WNT7B: variants seen among roughly 807,000 people sequenced by gnomAD.
WNT7B encodes the protein protein Wnt-7b.
Under a neutral mutation model 38.2 loss-of-function variants are expected in WNT7B, and 19 were observed. The ratio of observed to expected loss-of-function variants is 0.50; its 90% CI spans 0.35 to 0.73. The LOEUF is 0.73. WNT7B is among the 30% of genes least tolerant of loss of function. The pLI is 0.01. For missense variants in WNT7B, 423 were observed against 507.9 expected (o/e 0.83, Z 1.61); for synonymous variants, 243 against 209.3 (o/e 1.16, Z -1.39).
chr22:45,976,780 A>G lies in WNT7B; in HGVS notation c.-26T>C, dbSNP rs1472821537. The G allele has an allele frequency of 6.3e-7, 1 of 1,591,938 alleles. No homozygotes were observed. Among genetic ancestry groups the G allele is most frequent in the Admixed American group, 1.7e-5 (1 of 58,968 alleles). On this transcript the variant is annotated 5_prime_UTR_variant, in exon 1 of 4. Transcript: ENST00000339464. This position sits in a 1 kb window ranked among gnomAD's most constrained non-coding sequence, Gnocchi z 8.5. ...GATCCAGGGAGGGGGGCTGCGCCAT[A>G]GACAGCGGCGGCCGGAGGGGACGCG...
intron 1 of WNT7B, chr22:45,972,120 A>ACCCCCCCCCCCCC: frequency 6.4e-6 from 1 of 155,368 alleles, no homozygotes; most frequent in South Asian, 5.2e-5. Context: ...GGGGGAGCCC[A>ACCCCCCCCCCCCC]CCCGCCCACC....
At chr22:45,964,406 G>A (rs1932266210) in intron 1 of WNT7B, among the ~76,000 whole-genome samples, 1 of 152,142 alleles carries the variant, frequency 6.6e-6, no homozygotes, top group South Asian at 2.1e-4. Flanking sequence ...CAGGAGTGTG[G>A]CCCCTGCAGG....
At chr22:45,964,694 C>T (rs994694214) in intron 1 of WNT7B, among the ~76,000 whole-genome samples, 1 of 152,152 alleles carries the variant, frequency 6.6e-6, no homozygotes, top group African/African-American at 2.4e-5. Context: ...CCTGGGCAAT[C>T]GGCCGTGACC....
At chr22:45,967,098 A>T (rs1355335298) in intron 1 of WNT7B, among the ~76,000 whole-genome samples, 1 of 151,988 alleles carries the variant, frequency 6.6e-6, no homozygotes, top group Non-Finnish European at 1.5e-5. Flanking sequence ...GGGGGGAGGG[A>T]GCGCACCTGT....
chr22:45,942,573 A>G (rs941741156), intron 2 of WNT7B, among the ~76,000 whole-genome samples: 5 of 152,196 alleles, frequency 3.3e-5, no homozygotes, highest in Admixed American at 2.0e-4. Flanking sequence ...CCCTGCTGCA[A>G]TCCTGACCTG....
At chr22:45,974,067 G>A (rs1206688633) in intron 1 of WNT7B, among the ~76,000 whole-genome samples, 1 of 152,180 alleles carries the variant, frequency 6.6e-6, no homozygotes, top group Admixed American at 6.5e-5. Flanking sequence ...GTCAGCCTCA[G>A]TGACATCACA....
At chr22:45,933,006 C>T (rs1931415388) in intron 2 of WNT7B, among the ~76,000 whole-genome samples, 1 of 152,230 alleles carries the variant, frequency 6.6e-6, no homozygotes, top group African/African-American at 2.4e-5. Context: ...CAGCTTTGTG[C>T]TAGGGGCTGT....
At chr22:45,964,766 C>T (rs1019407992) in intron 1 of WNT7B, among the ~76,000 whole-genome samples, 2 of 152,150 alleles carry the variant, frequency 1.3e-5, no homozygotes, top group African/African-American at 4.8e-5. Flanking sequence ...TGCTGGGTAC[C>T]GACTGAGTGA....
At position 45,976,369 on chromosome 22, in the gene WNT7B, A is replaced by G. The variant is rs971372731; in HGVS notation, c.71+315T>C. On this transcript the variant is annotated intron_variant, in intron 1 of 3. Transcript: ENST00000339464. This position sits in a 1 kb window ranked among gnomAD's most constrained non-coding sequence, Gnocchi z 8.5. ...GCCCGGGGGAGGGAAGGCGCGTCCC[A>G]CCCCCGGGGCCTGGAGCCCAAACAG... Among the ~76,000 whole-genome samples, 1 of 150,092 alleles carries G rather than the reference A, an allele frequency of 6.7e-6. No homozygotes were observed. The highest frequency in any genetic ancestry group is 1.5e-5 in the Non-Finnish European group (1 of 67,434).
rs994202953 is a variant in WNT7B, at chr22:45,966,581, CG to C, written c.71+10102del. On this transcript the variant is annotated intron_variant, in intron 1 of 3. Transcript: ENST00000339464. This position sits in a 1 kb window ranked among gnomAD's most constrained non-coding sequence, Gnocchi z 4.2. Reference sequence around the variant, plus strand: ...TGCTGACACCCGGCAAGCTGCTCGTCGGGTGCGGTGGCTTCCTCCCAGGCCC... The same window carrying C: ...TGCTGACACCCGGCAAGCTGCTCGTCGGTGCGGTGGCTTCCTCCCAGGCCC... Among the ~76,000 whole-genome samples, 2 of 152,216 alleles carry C rather than the reference CG, an allele frequency of 1.3e-5. No individual in the cohort carries two copies. Among genetic ancestry groups the C allele is most frequent in the African/African-American group, 4.8e-5 (2 of 41,442 alleles).
At chr22:45,959,321 C>A (rs1250664203) in intron 1 of WNT7B, among the ~76,000 whole-genome samples, 1 of 152,154 alleles carries the variant, frequency 6.6e-6, no homozygotes, top group Non-Finnish European at 1.5e-5. Flanking sequence ...CCAGCTTGCA[C>A]CCCCACTTCA....
intron 1 of WNT7B, among the ~76,000 whole-genome samples, chr22:45,967,394 C>T (rs537047793): frequency 6.6e-6 from 1 of 151,776 alleles, no homozygotes; most frequent in Admixed American, 6.6e-5. Context: ...CTGGGGATGA[C>T]AGGGAGCAGT....
At chr22:45,956,420 T>C (rs1432660004) in intron 1 of WNT7B, among the ~76,000 whole-genome samples, 1 of 151,968 alleles carries the variant, frequency 6.6e-6, no homozygotes, top group Non-Finnish European at 1.5e-5. Flanking sequence ...GGATCCAGCC[T>C]CCCCCGGGAG....
intron 2 of WNT7B, among the ~76,000 whole-genome samples, chr22:45,947,368 G>T (rs554587047): frequency 1.3e-5 from 2 of 152,338 alleles, no homozygotes; most frequent in African/African-American, 4.8e-5. Flanking sequence ...GCCAGGGGAG[G>T]GCCAGAAAAG....
At chr22:45,927,666 C>T (rs888299655) in intron 3 of WNT7B, 125 of 723,274 alleles carry the variant, frequency 1.7e-4, no homozygotes, top group Non-Finnish European at 2.7e-4. Flanking sequence ...GAGGCCGAGG[C>T]GGGCAGATCA....
At chr22:45,955,928 A>C (rs1185713819) in intron 1 of WNT7B, among the ~76,000 whole-genome samples, 1 of 152,138 alleles carries the variant, frequency 6.6e-6, no homozygotes, top group African/African-American at 2.4e-5. Context: ...GGCCCCCTGT[A>C]CAAGGAGGGG....
In WNT7B at chr22:45,965,567, T is replaced by A. The variant is rs1932294213; in HGVS notation, c.71+11117A>T. Among the ~76,000 whole-genome samples the A allele has an allele frequency of 6.6e-6, 1 of 151,780 alleles. No homozygotes were observed. The highest frequency in any genetic ancestry group is 1.5e-5 in the Non-Finnish European group (1 of 67,920). On this transcript the variant is annotated intron_variant, in intron 1 of 3. Coordinates refer to ENST00000339464, the MANE Select transcript of WNT7B (RefSeq NM_058238.3). The surrounding 1 kb of genome is among the most constrained non-coding windows in gnomAD (Gnocchi z 6.5). ...GAGAAGGGGAGGGATACCCTCAAGG[T>A]TGCCGCAAGCCCACAGCTGAGCCAG...
intron 1 of WNT7B, chr22:45,972,045 G>A (rs904138546): frequency 7.9e-5 from 37 of 469,674 alleles, no homozygotes; most frequent in African/African-American, 6.9e-4. Flanking sequence ...ACGGTCACCC[G>A]GTGCCCCGCC....
intron 1 of WNT7B, among the ~76,000 whole-genome samples, chr22:45,950,963 CTT>C (rs1424568514): frequency 6.6e-6 from 1 of 152,240 alleles, no homozygotes; most frequent in African/African-American, 2.4e-5. Context: ...CTGAGGGGAA[CTT>C]TGTCATTAAT....
Sources: gnomAD v4.1 joint callset for allele counts (sites outside exome capture counted in the v4.1 genomes callset) on GRCh38, gnomAD v4.1.1 for gene constraint, Gnocchi (gnomAD v3.1) non-coding constraint, MANE v1.5 for transcripts, NCBI Gene and HGNC (gene_info 2026-07-23, HGNC 2026-07-21) for gene names.